PSD3: variants seen among roughly 807,000 people sequenced by gnomAD.
PSD3 encodes the protein PH and SEC7 domain-containing protein 3.
Under a neutral mutation model 105.5 loss-of-function variants are expected in PSD3, and 49 were observed. The observed-to-expected ratio is 0.46, with a 90% CI of 0.37 to 0.59. The LOEUF is 0.59. Ranked by LOEUF, PSD3 falls within the 20% of genes least tolerant of loss-of-function variation. The probability of loss-of-function intolerance (pLI) is 0.00; values close to 1 mark genes in which losing one functional copy is unlikely to be tolerated. For synonymous variants in PSD3, 557 were observed against 457.8 expected (o/e 1.22, Z -2.77); for missense variants, 1,561 against 1,263.8 (o/e 1.24, Z -3.57).
chr8:18,862,017 G>C (rs1031681500), intron 4 of PSD3, among the ~76,000 whole-genome samples: 1 of 152,166 alleles, frequency 6.6e-6, no homozygotes, highest in African/African-American at 2.4e-5. Flanking sequence ...CCCGTAGTAA[G>C]GGTCCGATGC....
intron 9 of PSD3, among the ~76,000 whole-genome samples, chr8:18,688,422 C>A (rs1423171009): frequency 3.3e-5 from 5 of 152,140 alleles, no homozygotes; most frequent in Non-Finnish European, 5.9e-5. Flanking sequence ...GCTCTTTTAA[C>A]CCTTATCAAA....
Position 18,535,983 on chromosome 8 carries a change from G to A in PSD3, c.2929-25C>T, listed in dbSNP as rs34515844. 1.8e-3 allele frequency: 2,832 copies of A among 1,600,244 alleles called. 40 individuals carry two copies. In the African/African-American group the frequency reaches 0.033, roughly 18 times the overall value. On this transcript the variant is annotated intron_variant, in intron 15 of 15. Coordinates refer to ENST00000327040, the MANE Select transcript of PSD3 (RefSeq NM_015310.4). The stretch of plus-strand genomic sequence containing the variant: ...TCTGAAGGCAAAGCCAGAGAACAAC[G>A]GTAGTCAGAAAACTGTTCAAAATGC...
chr8:18,562,243 G>C (rs891717122), intron 14 of PSD3, among the ~76,000 whole-genome samples: 2 of 152,176 alleles, frequency 1.3e-5, no homozygotes, highest in Non-Finnish European at 2.9e-5. Flanking sequence ...CAGAATCCTA[G>C]ATGTTCTAAG....
At position 18,915,726 on chromosome 8, in the gene PSD3, C is replaced by G. The variant is rs1204531933; in HGVS notation, c.130+20308G>C. ...TGGCTAATATCAAAAAGATAAAGTA[C>G]CAGATGCTGGAGCCATGTGGGAAGA... On this transcript the variant is annotated intron_variant, in intron 2 of 15. Coordinates refer to ENST00000327040, the MANE Select transcript of PSD3 (RefSeq NM_015310.4). Among the ~76,000 whole-genome samples the G allele has an allele frequency of 2.6e-5, 4 of 152,068 alleles. No homozygotes were observed. In the East Asian group the frequency reaches 7.7e-4, roughly 29 times the overall value.
intron 11 of PSD3, 71 bp downstream of exon 11, chr8:18,632,542 T>C (rs1806977007): frequency 6.7e-7 from 1 of 1,488,188 alleles, no homozygotes; most frequent in Non-Finnish European, 9.2e-7. Flanking sequence ...GACTTTCAGA[T>C]AAATTCCCTT....
chr8:18,822,429 T>G (rs2129449541), intron 4 of PSD3, among the ~76,000 whole-genome samples: 1 of 152,216 alleles, frequency 6.6e-6, no homozygotes, highest in South Asian at 2.1e-4. Flanking sequence ...AAGTACCCCT[T>G]CACCACCCCC....
At chr8:19,041,706 T>A (rs908567220) in intron 1 of PSD3, among the ~76,000 whole-genome samples, 3 of 152,232 alleles carry the variant, frequency 2.0e-5, no homozygotes, top group African/African-American at 7.2e-5. Context: ...TTCAAATAGA[T>A]GACACAAGAC....
intron 1 of PSD3, among the ~76,000 whole-genome samples, chr8:18,958,919 GT>G (rs71218911): frequency 0.025 from 2,872 of 114,964 alleles, 96 homozygotes; most frequent in African/African-American, 0.088. Flanking sequence ...GTTAAGTGGT[GT>G]TTTTTTTTTT....
Position 18,758,492 on chromosome 8 carries a change from A to C in PSD3, c.2172+6957T>G, listed in dbSNP as rs149332693. Reference sequence around the variant, plus strand: ...GTGAACAGATCCTTTTTGGGGTTTGAACTTACAAAAATGGCTTATCTCTAG... The same window carrying C: ...GTGAACAGATCCTTTTTGGGGTTTGCACTTACAAAAATGGCTTATCTCTAG... On this transcript the variant is annotated intron_variant, in intron 9 of 15. Coordinates refer to ENST00000327040, the MANE Select transcript of PSD3 (RefSeq NM_015310.4). Among the ~76,000 whole-genome samples, 750 of 151,114 alleles carry C rather than the reference A, an allele frequency of 5.0e-3. 9 individuals carry two copies. The highest frequency in any genetic ancestry group is 0.017 in the African/African-American group (711 of 41,024).
chr8:18,847,664 A>G (rs1479451135), intron 4 of PSD3, among the ~76,000 whole-genome samples: 1 of 152,190 alleles, frequency 6.6e-6, no homozygotes, highest in Non-Finnish European at 1.5e-5. Context: ...AATTTTTCAG[A>G]TAAGTAAAAG....
At chr8:18,846,667 G>C (rs1316353272) in intron 4 of PSD3, among the ~76,000 whole-genome samples, 1 of 152,172 alleles carries the variant, frequency 6.6e-6, no homozygotes, top group Non-Finnish European at 1.5e-5. Context: ...ACTTAGTGCT[G>C]TGCAGAAATT....
chr8:19,047,782 A>C (rs961500630), intron 1 of PSD3, among the ~76,000 whole-genome samples: 1 of 152,110 alleles, frequency 6.6e-6, no homozygotes, highest in African/African-American at 2.4e-5. Flanking sequence ...CATTAGAACA[A>C]GGACGACAAG....
At chr8:18,801,073 A>G (rs1810637877) in intron 7 of PSD3, 197 bp downstream of exon 7, 1 of 409,892 alleles carries the variant, frequency 2.4e-6, no homozygotes, top group East Asian at 4.1e-5. Context: ...AATGAAATAA[A>G]AAGGCAGCTA....
At chr8:18,559,585 GA>G (rs1192072887) in intron 14 of PSD3, among the ~76,000 whole-genome samples, 4 of 151,322 alleles carry the variant, frequency 2.6e-5, no homozygotes, top group African/African-American at 9.7e-5. Flanking sequence ...GTTTATTTAA[GA>G]AAAAATAGGA....
chr8:18,666,366 C>G (rs769868420), intron 9 of PSD3, among the ~76,000 whole-genome samples: 14 of 152,222 alleles, frequency 9.2e-5, no homozygotes, highest in Admixed American at 2.0e-4. Context: ...AACATAACTT[C>G]TAAATGCATA....
chr8:19,007,687 A>T (rs1826757571), intron 1 of PSD3, among the ~76,000 whole-genome samples: 1 of 149,736 alleles, frequency 6.7e-6, no homozygotes, highest in Non-Finnish European at 1.5e-5. Context: ...TTTGGAGTGT[A>T]CACTGAGCTC....
At chr8:18,652,755 C>A (rs540088102) in intron 10 of PSD3, among the ~76,000 whole-genome samples, 73 of 152,120 alleles carry the variant, frequency 4.8e-4, no homozygotes, top group Non-Finnish European at 8.8e-4. Flanking sequence ...TCCTCAGCCT[C>A]CCAAAGTGTT....
intron 4 of PSD3, among the ~76,000 whole-genome samples, chr8:18,814,852 G>A (rs954430050): frequency 1.3e-5 from 2 of 152,178 alleles, no homozygotes; most frequent in African/African-American, 4.8e-5. Flanking sequence ...TTTCTGTCAG[G>A]TTGAATTAGT....
intron 1 of PSD3, among the ~76,000 whole-genome samples, chr8:19,045,621 C>A (rs544268887): frequency 1.3e-5 from 2 of 152,282 alleles, no homozygotes; most frequent in Admixed American, 6.5e-5. Flanking sequence ...GATCTCTTTA[C>A]AGAATGATAG....
Sources: allele counts gnomAD v4.1 joint callset (sites outside exome capture counted in the v4.1 genomes callset), GRCh38; gene constraint gnomAD v4.1.1; transcripts MANE v1.5; gene names NCBI Gene and HGNC (gene_info 2026-07-23, HGNC 2026-07-21).